The following GTF3C5 variants were observed in gnomAD, a reference collection of about 807,000 sequenced individuals.
GTF3C5 encodes general transcription factor IIIC subunit 5.
Under a neutral mutation model 61.0 loss-of-function variants are expected in GTF3C5, and 47 were observed. The observed-to-expected ratio is 0.77, with a 90% CI of 0.61 to 0.98. The LOEUF (loss-of-function observed/expected upper bound fraction) is 0.98. Ranked by LOEUF, GTF3C5 falls within the 50% of genes least tolerant of loss-of-function variation. GTF3C5 has a pLI of 0.00. For missense variants in GTF3C5, 659 were observed against 703.3 expected, an observed-to-expected ratio of 0.94 and a Z score of 0.71; for synonymous variants, 295 against 275.4, an observed-to-expected ratio of 1.07 and a Z score of -0.71.
Position 133,050,952 on chromosome 9 carries a change from C to T in GTF3C5, c.742C>T (p.Arg248Trp), listed in dbSNP as rs995906811. ...GAGAGTCTGCACTAACCCCGTGGACCGGAAGGTGGAGGAGGAGCTGAGGAA... is the reference window on the plus strand; with the variant it reads ...GAGAGTCTGCACTAACCCCGTGGACTGGAAGGTGGAGGAGGAGCTGAGGAA... ...WRRVCTNPVD[R>W]KVEEELRKLF... The change falls in exon 4 of 11, where the codon CGG becomes TGG. Residue 248 changes from arginine to tryptophan, a missense_variant. Physicochemically the swap from Arg to Trp is moderately radical, Grantham distance 101 (BLOSUM62 -3). Transcript: ENST00000372097. 8 of 1,610,980 alleles carry T rather than the reference C, an allele frequency of 5.0e-6. 1 individual carries two copies. Among genetic ancestry groups the T allele is most frequent in the South Asian group, 4.4e-5 (4 of 90,798 alleles).
chr9:133,053,929 T>A lies in GTF3C5; in HGVS notation c.975T>A (p.Cys325Ter). The change falls in exon 6 of 11, where the codon TGT (cysteine) becomes TGA (stop). Residue 325 changes from cysteine (C) to a stop codon, truncating the protein, a stop_gained. Transcript: ENST00000372097. LOFTEE classifies it high-confidence loss of function. ...AAGTCCTCGATTTCCGAATCCGTTG[T>A]GGAATGAAACACGGTAAAAATTCCT... is the stretch of plus-strand genomic sequence containing the variant. ...IYQVLDFRIR[C>*]GMKHGYAPSD... 2.5e-6 allele frequency: 4 copies of A among 1,607,932 alleles called. No homozygotes were observed. The highest frequency in any genetic ancestry group is 3.4e-6 in the Non-Finnish European group (4 of 1,174,694).
chr9:133,056,079 A>T lies in GTF3C5; in HGVS notation c.1235A>T (p.Asp412Val). ...CGGCAGATGTTCTACCAGTTATGCG[A>T]CTTGAATGTGGAAGAGTACGTATGG... ...PYRQMFYQLCDLNVEELQKII... is the reference protein window; with the variant it reads ...PYRQMFYQLCVLNVEELQKII... Residue 412 changes from aspartate (D) to valine (V), a missense_variant, in exon 9 of 11, where the codon GAC (aspartate) becomes GTC (valine). By Grantham distance (152) the Asp-to-Val change is radical. Transcript: ENST00000372097. 1 of 1,614,018 alleles carries T rather than the reference A, an allele frequency of 6.2e-7. No homozygotes were observed. The highest frequency in any genetic ancestry group is 8.5e-7 in the Non-Finnish European group (1 of 1,179,936).
chr9:133,051,816 C>T (rs1260900739), intron 4 of GTF3C5, among the ~76,000 whole-genome samples: 1 of 152,200 alleles, frequency 6.6e-6, no homozygotes, highest in Non-Finnish European at 1.5e-5. Flanking sequence ...TGTCTCTTAT[C>T]GTTTGAGAGA....
At chr9:133,052,859 G>A (rs567516816) in intron 5 of GTF3C5, among the ~76,000 whole-genome samples, 1 of 151,998 alleles carries the variant, frequency 6.6e-6, no homozygotes, top group South Asian at 2.1e-4. Context: ...TTGAGATGGA[G>A]TCTCACTCTG....
chr9:133,036,042 C>T (rs1256629478), intron 1 of GTF3C5, among the ~76,000 whole-genome samples: 21 of 152,176 alleles, frequency 1.4e-4, no homozygotes. Flanking sequence ...ACTGGGCAGC[C>T]TTCCTGACCC....
Position 133,056,911 on chromosome 9 carries a change from A to G in GTF3C5, c.1393+3A>G, listed in dbSNP as rs1355833883. The G allele has an allele frequency of 6.3e-7, 1 of 1,594,910 alleles. No individual in the cohort carries two copies. The highest frequency in any genetic ancestry group is 2.3e-5 in the East Asian group (1 of 43,776). Reference sequence around the variant, plus strand: ...GACCATCCGCTCCAAGAGGCCTGGTAAGAGCCGCTTGGGGTAAAGGGGGTC... The same window carrying G: ...GACCATCCGCTCCAAGAGGCCTGGTGAGAGCCGCTTGGGGTAAAGGGGGTC... On this transcript the variant is annotated splice_donor_region_variant and intron_variant, in intron 10 of 10. Coordinates refer to ENST00000372097, the MANE Select transcript of GTF3C5 (RefSeq NM_012087.4).
rs558508128 is a variant in GTF3C5 at position 133,054,821 on chromosome 9, T to TGAGCCCCAGGAGGGAGTGGCTCCCAGG, written c.1167+13_1167+14insAGCCCCAGGAGGGAGTGGCTCCCAGGG. 2,269 of 1,558,972 alleles carry TGAGCCCCAGGAGGGAGTGGCTCCCAGG rather than the reference T, an allele frequency of 1.5e-3. 26 individuals carry two copies. In the South Asian group the frequency reaches 0.017, roughly 12 times the overall value. On this transcript the variant is annotated intron_variant, in intron 8 of 10. Transcript: ENST00000372097. ...AGTACAAGCTCAAGGTGGGCGCCCC[T>TGAGCCCCAGGAGGGAGTGGCTCCCAGG]GGAGGCCAGGAATGGAGGGGAGGAC...
At chr9:133,056,707 C>G in intron 9 of GTF3C5, 59 bp from the exon 10 acceptor site, 1 of 1,469,128 alleles carries the variant, frequency 6.8e-7, no homozygotes, top group African/African-American at 1.4e-5. Flanking sequence ...CCAACACTGG[C>G]ATCTCTTAGC....
chr9:133,045,658 C>T (rs1462145511), intron 3 of GTF3C5, among the ~76,000 whole-genome samples: 2 of 152,038 alleles, frequency 1.3e-5, no homozygotes, highest in Non-Finnish European at 2.9e-5. Flanking sequence ...TTTTGAAAGG[C>T]GGAGTCTTGC....
chr9:133,048,944 G>T (rs1176683955), intron 3 of GTF3C5, among the ~76,000 whole-genome samples: 2 of 152,236 alleles, frequency 1.3e-5, no homozygotes. Context: ...ATGAGGACTG[G>T]CAGGGAGGAG....
Position 133,056,813 on chromosome 9 carries a change from C to T in GTF3C5, c.1298C>T (p.Thr433Ile). Residue 433 changes from threonine to isoleucine, a missense_variant, in exon 10 of 11, where the codon ACA (threonine) becomes ATA (isoleucine). By Grantham distance (89) the Thr-to-Ile change is moderately conservative (BLOSUM62 -1). Transcript: ENST00000372097. ...HRNDGAENSCTERDGWCLPKT... is the reference protein window; with the variant it reads ...HRNDGAENSCIERDGWCLPKT... ...AATGACGGGGCAGAGAATTCCTGCA[C>T]AGAACGGGATGGGTGGTGCCTCCCC... 6.2e-7 allele frequency: 1 copy of T among 1,611,522 alleles called. No homozygotes were observed.
In GTF3C5 at chr9:133,050,931, GTC is replaced by G; in HGVS notation, c.723_724del (p.Cys242HisfsTer2). 1 of 1,613,666 alleles carries G rather than the reference GTC, an allele frequency of 6.2e-7. No individual in the cohort carries two copies. On this transcript the variant is annotated frameshift_variant, in exon 4 of 11. Coordinates refer to ENST00000372097, the MANE Select transcript of GTF3C5 (RefSeq NM_012087.4). LOFTEE classifies it high-confidence loss of function. ...LEAAAQTWRR[V>X]CTNPVDRKVE... The stretch of plus-strand genomic sequence containing the variant: ...GGCTGCAGCCCAGACGTGGAGGAGA[GTC>G]TGCACTAACCCCGTGGACCGGAAGG...
intron 3 of GTF3C5, among the ~76,000 whole-genome samples, chr9:133,044,743 C>T (rs572724160): frequency 1.3e-5 from 2 of 152,304 alleles, no homozygotes; most frequent in East Asian, 1.9e-4. Flanking sequence ...ACACAGCTCT[C>T]GCCTGCTCTG....
chr9:133,055,769 C>T (rs1479224489), intron 8 of GTF3C5: 12 of 1,350,304 alleles, frequency 8.9e-6, no homozygotes, highest in Admixed American at 3.2e-5. Context: ...CGGGCGGGCT[C>T]ACCGTTTCCA....
At position 133,057,303 on chromosome 9, in the gene GTF3C5, C is replaced by T. The variant is rs980540666; in HGVS notation, c.1393+395C>T. On this transcript the variant is annotated intron_variant, in intron 10 of 10. Coordinates refer to ENST00000372097, the MANE Select transcript of GTF3C5 (RefSeq NM_012087.4). ...CCAGCCCCTTCCTGGAACCAGGCAG[C>T]CCTGGCAGGAGTGAGGGCCAGCTGC... 2.0e-5 allele frequency among the ~76,000 whole-genome samples: 3 copies of T among 152,220 alleles called. No individual in the cohort carries two copies. In the East Asian group the frequency reaches 5.8e-4, roughly 29 times the overall value.
chr9:133,051,988 A>C (rs755202597), intron 4 of GTF3C5, 72 bp from the exon 5 acceptor site: 1 of 764,902 alleles, frequency 1.3e-6, no homozygotes, highest in South Asian at 1.8e-5. Flanking sequence ...GGCCCAGAAC[A>C]TGTTGGGAGT....
chr9:133,050,766 G>A lies in GTF3C5; in HGVS notation c.573-17G>A. The A allele has an allele frequency of 6.3e-7, 1 of 1,598,692 alleles. No individual in the cohort carries two copies. The highest frequency in any genetic ancestry group is 8.6e-7 in the Non-Finnish European group (1 of 1,169,246). ...GGCCTTGGTGCTCCTGTTCTCACCT[G>A]TACTCTCTGCCCCCAGGGAAGGCTA... is the stretch of plus-strand genomic sequence containing the variant. On this transcript the variant is annotated splice_polypyrimidine_tract_variant and intron_variant, in intron 3 of 10. Coordinates refer to ENST00000372097, the MANE Select transcript of GTF3C5 (RefSeq NM_012087.4).
At chr9:133,038,451 T>C (rs1281759816) in intron 1 of GTF3C5, among the ~76,000 whole-genome samples, 10 of 132,536 alleles carry the variant, frequency 7.5e-5, no homozygotes, top group Non-Finnish European at 4.9e-5. Context: ...CCCTAGGAGC[T>C]TTTTTTTTTT....
chr9:133,047,055 C>G (rs745929676), intron 3 of GTF3C5, among the ~76,000 whole-genome samples: 26 of 152,144 alleles, frequency 1.7e-4, no homozygotes, highest in Non-Finnish European at 3.2e-4. Context: ...GTCCAGTGAG[C>G]AACATTCTGC....
Sources: allele counts gnomAD v4.1 joint callset (sites outside exome capture counted in the v4.1 genomes callset), GRCh38; gene constraint gnomAD v4.1.1; transcripts MANE v1.5; gene names NCBI Gene and HGNC (gene_info 2026-07-23, HGNC 2026-07-21).